TRIB3: variants seen among roughly 807,000 people sequenced by gnomAD.
The protein encoded by TRIB3 is tribbles homolog 3.
A neutral mutation model predicts 16.6 loss-of-function variants in TRIB3; 20 were observed. That is an observed-to-expected ratio of 1.20 (90% confidence interval 0.85 to 1.75). The LOEUF is 1.75. Among genes scored for constraint, TRIB3 ranks in the 40% most tolerant of loss-of-function variants. TRIB3 has a pLI of 0.00. For missense variants in TRIB3, 484 were observed against 488.9 expected, an observed-to-expected ratio of 0.99 and a Z score of 0.10; for synonymous variants, 208 against 217.0, an observed-to-expected ratio of 0.96 and a Z score of 0.36.
intron 3 of TRIB3, among the ~76,000 whole-genome samples, chr20:395,459 C>A (rs1385774881): frequency 6.6e-6 from 1 of 151,122 alleles, no homozygotes; most frequent in Non-Finnish European, 1.5e-5. Flanking sequence ...CCGCGCCCAG[C>A]CTTACACACT....
At chr20:391,716 A>G in intron 3 of TRIB3, 137 bp downstream of exon 3, 1 of 1,206,704 alleles carries the variant, frequency 8.3e-7, no homozygotes. Context: ...GCCCCTGTTT[A>G]GTTCCCTGAG....
rs1467739910 is a variant in TRIB3, at chr20:396,850, C to A, written c.*160C>A. On this transcript the variant is annotated 3_prime_UTR_variant, in exon 4 of 4. Coordinates refer to ENST00000217233, the MANE Select transcript of TRIB3 (RefSeq NM_021158.5). ...GTGCTGTGTACACATCTGCTTTGTT[C>A]CACACACATGCAGTTCCTGCTTGGG... The A allele has an allele frequency of 9.8e-6, 11 of 1,122,118 alleles. No individual in the cohort carries two copies. Among genetic ancestry groups the A allele is most frequent in the Non-Finnish European group, 1.2e-6 (1 of 810,072 alleles). 69.5% of individuals were successfully genotyped at this position (1,122,118 alleles called of 1,614,324 possible).
intron 3 of TRIB3, among the ~76,000 whole-genome samples, chr20:393,617 A>G (rs760530651): frequency 4.0e-4 from 61 of 152,186 alleles, no homozygotes; most frequent in Non-Finnish European, 8.1e-4. Context: ...GCTCCTGGCC[A>G]TAACCTTGAG....
In TRIB3 at chr20:386,981, A is replaced by G. The variant is rs528501645; in HGVS notation, c.1-1030A>G. Among the ~76,000 whole-genome samples the G allele has an allele frequency of 4.7e-3, 704 of 149,530 alleles. 8 individuals carry two copies. Among genetic ancestry groups the G allele is most frequent in the South Asian group, 0.013 (60 of 4,694 alleles). ...TTGGCCAGGCTGGTCTTGAACTCCC[A>G]GCCTCATGATTCGCCCACCTTGGCC... On this transcript the variant is annotated intron_variant, in intron 1 of 3. Coordinates refer to ENST00000217233, the MANE Select transcript of TRIB3 (RefSeq NM_021158.5).
chr20:385,890 ACT>A (rs1172528069), intron 1 of TRIB3, among the ~76,000 whole-genome samples: 3 of 136,008 alleles, frequency 2.2e-5, no homozygotes, highest in African/African-American at 2.8e-5. Flanking sequence ...GAGAGTCTTT[ACT>A]CTGTCACCAG....
intron 3 of TRIB3, among the ~76,000 whole-genome samples, chr20:393,560 G>C (rs892530010): frequency 6.6e-6 from 1 of 152,100 alleles, no homozygotes; most frequent in African/African-American, 2.4e-5. Flanking sequence ...CAAGCAATCT[G>C]CCTGCCTCAG....
Position 395,401 on chromosome 20 carries a change from T to TC in TRIB3, c.585-792dup, listed in dbSNP as rs569123018. Among the ~76,000 whole-genome samples the TC allele has an allele frequency of 4.6e-3, 701 of 151,950 alleles. 4 individuals carry two copies. The highest frequency in any genetic ancestry group is 0.016 in the African/African-American group (648 of 41,454). ...GTCTTGAACTCCTGAACTCAAGTGA[T>TC]CCCCCTACCTCGGCCTCCCAAAGTG... is the stretch of plus-strand genomic sequence containing the variant. On this transcript the variant is annotated intron_variant, in intron 3 of 3. Transcript: ENST00000217233.
At chr20:392,759 T>C (rs537569392) in intron 3 of TRIB3, among the ~76,000 whole-genome samples, 2 of 152,170 alleles carry the variant, frequency 1.3e-5, no homozygotes, top group Admixed American at 6.5e-5. Flanking sequence ...GGTTTTGCCA[T>C]GTTGGCCAGG....
At chr20:384,388 A>G (rs1321671031) in intron 1 of TRIB3, among the ~76,000 whole-genome samples, 1 of 152,080 alleles carries the variant, frequency 6.6e-6, no homozygotes, top group East Asian at 1.9e-4. Flanking sequence ...TTTTTGAGAC[A>G]GAGTCTTGCT....
chr20:389,663 C>T (rs139447940), intron 2 of TRIB3, among the ~76,000 whole-genome samples: 13 of 152,238 alleles, frequency 8.5e-5, no homozygotes, highest in Admixed American at 2.0e-4. Flanking sequence ...TTTCCACTCC[C>T]GCTGGGGAGG....
At chr20:385,922 A>G (rs1359559764) in intron 1 of TRIB3, among the ~76,000 whole-genome samples, 1 of 151,322 alleles carries the variant, frequency 6.6e-6, no homozygotes, top group Non-Finnish European at 1.5e-5. Flanking sequence ...CAGTGGCACA[A>G]ACATGGCTCA....
At chr20:382,326 C>T in intron 1 of TRIB3, 1 of 560,074 alleles carries the variant, frequency 1.8e-6, no homozygotes, top group Middle Eastern at 4.8e-4. Context: ...CTGGGTGGAG[C>T]TTATCCCAGG....
At chr20:383,784 T>A (rs1426003504) in intron 1 of TRIB3, among the ~76,000 whole-genome samples, 1 of 152,152 alleles carries the variant, frequency 6.6e-6, no homozygotes, top group Non-Finnish European at 1.5e-5. Context: ...TCAGAGGTGG[T>A]ACCTTTTATC....
intron 2 of TRIB3, 65 bp downstream of exon 2, chr20:388,366 A>G: frequency 6.6e-7 from 1 of 1,525,992 alleles, no homozygotes; most frequent in Non-Finnish European, 8.8e-7. Flanking sequence ...CCTCCAAAGG[A>G]TTGCCAGGGT....
chr20:396,448 G>T lies in TRIB3; in HGVS notation c.835G>T (p.Ala279Ser), dbSNP rs147404126. The change falls in exon 4 of 4, where the codon GCC becomes TCC. Residue 279 changes from alanine (A) to serine (S), a missense_variant. Transcript: ENST00000217233. ...CGGCAAGATCCGCCGCGGGGCCTAC[G>T]CCTTGCCTGCAGGCCTCTCGGCCCC... ...LFGKIRRGAY[A>S]LPAGLSAPAR... is the part of the protein sequence containing the mutation. 5 of 1,612,620 alleles carry T rather than the reference G, an allele frequency of 3.1e-6. No homozygotes were observed. The Admixed American group carries it at 5.0e-5, about 16-fold the overall frequency.
At position 381,124 on chromosome 20, in the gene TRIB3, T is replaced by G. The variant is rs2014627941; in HGVS notation, c.-46T>G. On this transcript the variant is annotated 5_prime_UTR_variant, in exon 1 of 4. Transcript: ENST00000217233. ...GCCCACCTGCTGGTGCCCTGGAGGC[T>G]CTGAGCCCCGGCGGCGCCCGGGCCC... 1 of 151,042 alleles carries G rather than the reference T, an allele frequency of 6.6e-6. No homozygotes were observed. The highest frequency in any genetic ancestry group is 2.4e-5 in the African/African-American group (1 of 40,998). The allele number at this position is 151,042 out of a possible 1,614,324, so 9.4% of individuals were successfully genotyped here.
At chr20:394,858 T>C (rs548455718) in intron 3 of TRIB3, among the ~76,000 whole-genome samples, 9 of 152,128 alleles carry the variant, frequency 5.9e-5, no homozygotes, top group Non-Finnish European at 1.0e-4. Context: ...GTGAGTTAGA[T>C]AGACCTGTGT....
intron 1 of TRIB3, among the ~76,000 whole-genome samples, chr20:387,557 A>C (rs1173926317): frequency 7.8e-6 from 1 of 127,928 alleles, no homozygotes; most frequent in African/African-American, 2.7e-5. Flanking sequence ...TCTTGGGGAA[A>C]AAAAAAAAAA....
intron 1 of TRIB3, 71 bp from the exon 2 acceptor site, chr20:387,940 C>A (rs901408982): frequency 1.3e-6 from 2 of 1,538,366 alleles, no homozygotes; most frequent in African/African-American, 1.4e-5. Flanking sequence ...GCCACGTATC[C>A]TCCCACCAGC....
Sources: allele counts gnomAD v4.1 joint callset (sites outside exome capture counted in the v4.1 genomes callset), GRCh38; gene constraint gnomAD v4.1.1; transcripts MANE v1.5; gene names NCBI Gene and HGNC (gene_info 2026-07-23, HGNC 2026-07-21).